Variants in TAB2 observed in about 807,000 individuals in gnomAD.
TAB2 encodes the protein TGF-beta-activated kinase 1 and MAP3K7-binding protein 2.
A neutral mutation model predicts 65.0 loss-of-function variants in TAB2; 3 were observed. The ratio of observed to expected loss-of-function variants is 0.05; its 90% CI spans 0.02 to 0.12. The LOEUF is 0.12. TAB2 is among the 10% of genes least tolerant of loss of function. The probability of loss-of-function intolerance (pLI) is 1.00; values close to 1 mark genes in which losing one functional copy is unlikely to be tolerated. For missense variants in TAB2, 623 were observed against 840.3 expected, an observed-to-expected ratio of 0.74 and a Z score of 3.20; for synonymous variants, 298 against 285.1, an observed-to-expected ratio of 1.05 and a Z score of -0.46.
chr6:149,311,067 A>G (rs1779158719), intron 1 of TAB2, among the ~76,000 whole-genome samples: 1 of 152,116 alleles, frequency 6.6e-6, no homozygotes, highest in Non-Finnish European at 1.5e-5. Flanking sequence ...TCAAGCATAG[A>G]TCTAATTATG....
intron 2 of TAB2, among the ~76,000 whole-genome samples, chr6:149,375,321 C>T (rs1781364859): frequency 1.3e-5 from 2 of 151,932 alleles, no homozygotes; most frequent in Admixed American, 6.6e-5. Context: ...TTCCTTTTGT[C>T]CTAATGTAAC....
chr6:149,349,636 A>C (rs1378107771), intron 1 of TAB2, among the ~76,000 whole-genome samples: 1 of 152,150 alleles, frequency 6.6e-6, no homozygotes, highest in Non-Finnish European at 1.5e-5. Context: ...AATTACAGCA[A>C]AATTGACTTA....
chr6:149,378,051 C>A lies in TAB2; in HGVS notation c.136C>A (p.Leu46Ile). The change falls in exon 3 of 7, where the codon CTC becomes ATC. Residue 46 changes from leucine (L) to isoleucine (I), a missense_variant. By Grantham distance (5) the Leu-to-Ile change is conservative. Coordinates refer to ENST00000637181, the MANE Select transcript of TAB2 (RefSeq NM_001292034.3). ...NNNLDACCAV[L>I]SQESTRYLYG... ...TAACCTGGATGCCTGCTGTGCTGTT[C>A]TCTCTCAGGAGAGTACAAGATATCT... 1 of 1,614,038 alleles carries A rather than the reference C, an allele frequency of 6.2e-7. No homozygotes were observed. Among genetic ancestry groups the A allele is most frequent in the Non-Finnish European group, 8.5e-7 (1 of 1,179,952 alleles).
At chr6:149,253,710 T>G (rs1183207943) in intron 1 of TAB2, among the ~76,000 whole-genome samples, 1 of 148,404 alleles carries the variant, frequency 6.7e-6, no homozygotes, top group Non-Finnish European at 1.5e-5. Flanking sequence ...GATCGCAAAG[T>G]CAAGAGATCG....
intron 1 of TAB2, among the ~76,000 whole-genome samples, chr6:149,322,604 G>A (rs377372866): frequency 1.3e-5 from 2 of 152,110 alleles, no homozygotes; most frequent in African/African-American, 4.8e-5. Flanking sequence ...CTCTGAGCTT[G>A]TTTTCTTCTG....
chr6:149,278,322 A>C (rs1331535831), intron 1 of TAB2, among the ~76,000 whole-genome samples: 1 of 152,246 alleles, frequency 6.6e-6, no homozygotes, highest in Non-Finnish European at 1.5e-5. Flanking sequence ...TTGAGTCATT[A>C]CCATAAGCTA....
At chr6:149,311,349 C>A (rs902810265) in intron 1 of TAB2, among the ~76,000 whole-genome samples, 3 of 152,226 alleles carry the variant, frequency 2.0e-5, no homozygotes, top group Admixed American at 2.0e-4. Flanking sequence ...TCTGGAATAT[C>A]ACCTCCAATA....
At chr6:149,353,689 CTT>C (rs1319032328) in intron 1 of TAB2, among the ~76,000 whole-genome samples, 1 of 152,176 alleles carries the variant, frequency 6.6e-6, no homozygotes. Context: ...GTACAAAAAA[CTT>C]TTTGCGTAGC....
At chr6:149,254,059 G>GAGGGAGGA (rs1431304582) in intron 1 of TAB2, among the ~76,000 whole-genome samples, 7 of 103,736 alleles carry the variant, frequency 6.7e-5, no homozygotes, top group South Asian at 4.0e-4. Context: ...GGGAGAGAGG[G>GAGGGAGGA]AGGAAGGAAG....
At chr6:149,273,461 G>A (rs918305933) in intron 1 of TAB2, among the ~76,000 whole-genome samples, 3 of 152,192 alleles carry the variant, frequency 2.0e-5, no homozygotes, top group Non-Finnish European at 4.4e-5. Context: ...ATGCTCTGAG[G>A]ATCTGTCCAC....
intron 1 of TAB2, among the ~76,000 whole-genome samples, chr6:149,366,587 C>A (rs1781046710): frequency 6.6e-6 from 1 of 152,128 alleles, no homozygotes; most frequent in Admixed American, 6.6e-5. Context: ...GGAAAGTTAC[C>A]CTTGCTGTTT....
At chr6:149,257,711 C>G (rs1022097502) in intron 1 of TAB2, among the ~76,000 whole-genome samples, 4 of 152,154 alleles carry the variant, frequency 2.6e-5, no homozygotes, top group Admixed American at 2.6e-4. Flanking sequence ...CCTTCCCAAT[C>G]AGAATCTCTG....
At chr6:149,360,890 T>C (rs1275932047) in intron 1 of TAB2, among the ~76,000 whole-genome samples, 2 of 152,176 alleles carry the variant, frequency 1.3e-5, no homozygotes, top group Non-Finnish European at 2.9e-5. Flanking sequence ...GCTACAGGCT[T>C]CATACAGGTT....
intron 1 of TAB2, among the ~76,000 whole-genome samples, chr6:149,290,670 C>T (rs1778759106): frequency 6.6e-6 from 1 of 152,052 alleles, no homozygotes; most frequent in Non-Finnish European, 1.5e-5. Flanking sequence ...ATGGCAAGAT[C>T]CCGTCTCTAC....
chr6:149,302,184 T>A (rs1209649290), intron 1 of TAB2, among the ~76,000 whole-genome samples: 1 of 152,188 alleles, frequency 6.6e-6, no homozygotes, highest in African/African-American at 2.4e-5. Context: ...TATGAACATA[T>A]ATATGTATTT....
intron 1 of TAB2, among the ~76,000 whole-genome samples, chr6:149,325,840 A>G (rs1419308592): frequency 2.0e-5 from 3 of 152,340 alleles, no homozygotes; most frequent in African/African-American, 4.8e-5. Flanking sequence ...CCCAGGCTCA[A>G]GTGATCCTCC....
intron 1 of TAB2, among the ~76,000 whole-genome samples, chr6:149,290,566 G>A (rs1441463711): frequency 6.6e-6 from 1 of 152,150 alleles, no homozygotes; most frequent in African/African-American, 2.4e-5. Flanking sequence ...TATTTAGGCT[G>A]GGCATGGTGG....
At chr6:149,392,486 T>C (rs1383779776) in intron 3 of TAB2, among the ~76,000 whole-genome samples, 3 of 152,216 alleles carry the variant, frequency 2.0e-5, no homozygotes, top group Non-Finnish European at 2.9e-5. Flanking sequence ...GATATACAGA[T>C]AGCTACTTAA....
chr6:149,400,742 C>T lies in TAB2; in HGVS notation c.1939+1558C>T, dbSNP rs557486576. 14 of 1,550,236 alleles carry T rather than the reference C, an allele frequency of 9.0e-6. No individual in the cohort carries two copies. In the Admixed American group the frequency reaches 1.9e-4, roughly 21 times the overall value. On this transcript the variant is annotated intron_variant, in intron 6 of 6. Coordinates refer to ENST00000637181, the MANE Select transcript of TAB2 (RefSeq NM_001292034.3). ...TTAAAGACCAAGATTACTGCATTCT[C>T]AATTAGAAAACTGCAATTTGGTTCC...
Sources: allele counts gnomAD v4.1 joint callset (sites outside exome capture counted in the v4.1 genomes callset), GRCh38; gene constraint gnomAD v4.1.1; transcripts MANE v1.5; gene names NCBI Gene and HGNC (gene_info 2026-07-23, HGNC 2026-07-21).